Variants in AGBL1 observed in about 807,000 individuals in gnomAD.
The protein encoded by AGBL1 is cytosolic carboxypeptidase 4.
AGBL1 carries 130 observed loss-of-function variants against 118.9 expected under a neutral mutation model. That is an observed-to-expected ratio of 1.09 (90% CI 0.95 to 1.26). The LOEUF (loss-of-function observed/expected upper bound fraction) is 1.26, where lower values mean the gene tolerates loss of function less well. AGBL1 is among the 50% of genes most tolerant of loss of function. The pLI is 0.00. For synonymous variants in AGBL1, 555 were observed against 478.9 expected (o/e 1.16, Z -2.08); for missense variants, 1,584 against 1,298.1 (o/e 1.22, Z -3.38).
intron 23 of AGBL1, among the ~76,000 whole-genome samples, chr15:86,924,883 G>C (rs963490579): frequency 1.3e-5 from 2 of 151,724 alleles, no homozygotes; most frequent in Admixed American, 6.6e-5. Flanking sequence ...AGACCATCCT[G>C]GCTAACATGG....
chr15:86,404,022 C>T (rs975111725), intron 18 of AGBL1, among the ~76,000 whole-genome samples: 15 of 152,168 alleles, frequency 9.9e-5, no homozygotes, highest in African/African-American at 3.1e-4. Flanking sequence ...ATATGACTAG[C>T]TTGTGGGAGA....
At chr15:86,867,712 A>G (rs2079652122) in intron 22 of AGBL1, among the ~76,000 whole-genome samples, 1 of 152,200 alleles carries the variant, frequency 6.6e-6, no homozygotes, top group Non-Finnish European at 1.5e-5. Context: ...GGCACTGTGC[A>G]AAAATAAATA....
chr15:86,933,831 T>C (rs1445869314), intron 23 of AGBL1, among the ~76,000 whole-genome samples: 1 of 152,240 alleles, frequency 6.6e-6, no homozygotes, highest in East Asian at 1.9e-4. Flanking sequence ...ATAGGCTCCC[T>C]TGCCGGAGGA....
chr15:86,628,225 T>G (rs1324928744), intron 21 of AGBL1, among the ~76,000 whole-genome samples: 3 of 152,188 alleles, frequency 2.0e-5, no homozygotes, highest in Admixed American at 1.3e-4. Flanking sequence ...AGCCCCCGCA[T>G]TTCCATTCAA....
chr15:86,089,891 G>GA (rs1172600586), intron 1 of AGBL1, among the ~76,000 whole-genome samples: 4 of 151,730 alleles, frequency 2.6e-5, no homozygotes, highest in African/African-American at 9.7e-5. Flanking sequence ...TGTTCTAAAG[G>GA]AAAAAAAATG....
chr15:87,027,999 G>C (rs1284598741), intron 24 of AGBL1, among the ~76,000 whole-genome samples: 1 of 150,296 alleles, frequency 6.7e-6, no homozygotes, highest in East Asian at 2.0e-4. Flanking sequence ...GTTTACCTAT[G>C]TAACAAACCT....
chr15:86,744,892 A>T (rs1040955607), intron 22 of AGBL1, among the ~76,000 whole-genome samples: 8 of 152,238 alleles, frequency 5.3e-5, no homozygotes, highest in South Asian at 4.1e-4. Flanking sequence ...CATTCTGCAA[A>T]CCTCTGTTGA....
At chr15:87,022,761 T>G (rs555677226) in intron 24 of AGBL1, among the ~76,000 whole-genome samples, 1 of 152,226 alleles carries the variant, frequency 6.6e-6, no homozygotes, top group East Asian at 1.9e-4. Context: ...AGCAGATTTC[T>G]CAGCAGAAAC....
chr15:86,881,008 C>G (rs1336664669), intron 22 of AGBL1, among the ~76,000 whole-genome samples: 1 of 152,068 alleles, frequency 6.6e-6, no homozygotes, highest in Non-Finnish European at 1.5e-5. Flanking sequence ...CTGGTAAGTG[C>G]TAGCTCAGTG....
At chr15:86,972,005 A>C (rs1269089805) in intron 23 of AGBL1, among the ~76,000 whole-genome samples, 1 of 151,982 alleles carries the variant, frequency 6.6e-6, no homozygotes, top group East Asian at 1.9e-4. Flanking sequence ...CCATGATTCT[A>C]AGTTCCCTGA....
At chr15:86,936,184 G>T (rs2141644552) in intron 23 of AGBL1, among the ~76,000 whole-genome samples, 1 of 152,324 alleles carries the variant, frequency 6.6e-6, no homozygotes, top group South Asian at 2.1e-4. Flanking sequence ...TTGTCAATGA[G>T]TGCTTTTGAA....
intron 22 of AGBL1, among the ~76,000 whole-genome samples, chr15:86,849,788 G>A (rs1299611210): frequency 6.6e-6 from 1 of 152,192 alleles, no homozygotes; most frequent in African/African-American, 2.4e-5. Flanking sequence ...ATCCTAGGCA[G>A]CGTGTGCTGG....
intron 21 of AGBL1, among the ~76,000 whole-genome samples, chr15:86,661,619 T>G (rs1205009233): frequency 2.0e-5 from 3 of 152,000 alleles, no homozygotes; most frequent in Non-Finnish European, 4.4e-5. Flanking sequence ...CAAATTTACA[T>G]GCAATAAGAG....
intron 22 of AGBL1, among the ~76,000 whole-genome samples, chr15:86,833,066 C>G (rs951131589): frequency 4.2e-4 from 64 of 152,116 alleles, no homozygotes; most frequent in African/African-American, 1.5e-3. Context: ...AAAACCATCA[C>G]ATCTCGTGAG....
At position 86,476,215 on chromosome 15, in the gene AGBL1, A is replaced by G. The variant is rs573696905; in HGVS notation, c.2556-46595A>G. On this transcript the variant is annotated intron_variant, in intron 18 of 22. Coordinates refer to ENST00000614907, the MANE Select transcript of AGBL1 (RefSeq NM_001386094.1). ...AGCTAACATCATAATGACAGGATCA[A>G]ATTCACACCTAACAATATTAACCTT... Among the ~76,000 whole-genome samples, 6 of 152,338 alleles carry G rather than the reference A, an allele frequency of 3.9e-5. No individual in the cohort carries two copies. The South Asian group carries it at 8.3e-4, about 21-fold the overall frequency.
intron 21 of AGBL1, among the ~76,000 whole-genome samples, chr15:86,602,004 C>A (rs114577209): frequency 0.015 from 2,226 of 152,216 alleles, 52 homozygotes; most frequent in African/African-American, 0.05. Flanking sequence ...TATAAGCCAT[C>A]AGTAGTTACT....
chr15:86,866,857 A>C (rs2079638429), intron 22 of AGBL1, among the ~76,000 whole-genome samples: 1 of 152,212 alleles, frequency 6.6e-6, no homozygotes, highest in African/African-American at 2.4e-5. Flanking sequence ...TGCTTAGTCC[A>C]CTATTTGCCC....
At chr15:86,470,355 A>T (rs1001572330) in intron 18 of AGBL1, among the ~76,000 whole-genome samples, 14 of 152,126 alleles carry the variant, frequency 9.2e-5, no homozygotes, top group African/African-American at 3.4e-4. Context: ...TGTCCTTGGC[A>T]CTGTTGTTGA....
chr15:86,720,088 T>C (rs1044559197), intron 22 of AGBL1, among the ~76,000 whole-genome samples: 1 of 152,242 alleles, frequency 6.6e-6, no homozygotes, highest in Non-Finnish European at 1.5e-5. Context: ...GACAAGTATA[T>C]ACAGATTACT....
Sources: gnomAD v4.1 joint callset for allele counts (sites outside exome capture counted in the v4.1 genomes callset) on GRCh38, gnomAD v4.1.1 for gene constraint, MANE v1.5 for transcripts, NCBI Gene and HGNC (gene_info 2026-07-23, HGNC 2026-07-21) for gene names.